Variants in GRM7 observed in about 807,000 individuals in gnomAD.
The protein encoded by GRM7 is metabotropic glutamate receptor 7.
GRM7 carries 35 observed loss-of-function variants against 84.5 expected under a neutral mutation model. The ratio of observed to expected loss-of-function variants is 0.41; its 90% CI spans 0.32 to 0.55. The LOEUF (loss-of-function observed/expected upper bound fraction) is 0.55, where lower values mean the gene tolerates loss of function less well. Among genes scored for constraint, GRM7 ranks in the 20% least tolerant of loss-of-function variants. The probability of loss-of-function intolerance (pLI) is 0.19; values close to 1 mark genes in which losing one functional copy is unlikely to be tolerated. For synonymous variants in GRM7, 487 were observed against 455.1 expected (o/e 1.07, Z -0.89); for missense variants, 1,003 against 1,194.6 (o/e 0.84, Z 2.36).
intron 1 of GRM7, among the ~76,000 whole-genome samples, chr3:7,099,095 T>G (rs1436419407): frequency 6.6e-6 from 1 of 151,550 alleles, no homozygotes; most frequent in African/African-American, 2.4e-5. Context: ...ATAATGTTCT[T>G]TAACTGTTAT....
intron 2 of GRM7, among the ~76,000 whole-genome samples, chr3:7,191,535 C>G (rs1695712212): frequency 6.6e-6 from 1 of 151,520 alleles, no homozygotes; most frequent in African/African-American, 2.4e-5. Flanking sequence ...GATAAATGAA[C>G]AAACAAACTT....
At chr3:7,184,323 A>G (rs1328999529) in intron 2 of GRM7, among the ~76,000 whole-genome samples, 2 of 152,126 alleles carry the variant, frequency 1.3e-5, no homozygotes, top group Non-Finnish European at 2.9e-5. Context: ...TTTTAAATAT[A>G]GCTCCTTGCC....
chr3:7,413,947 G>A (rs1696052698), intron 4 of GRM7, among the ~76,000 whole-genome samples: 1 of 152,094 alleles, frequency 6.6e-6, no homozygotes, highest in South Asian at 2.1e-4. Context: ...GAAACTCACT[G>A]CCCTATAGGA....
intron 1 of GRM7, among the ~76,000 whole-genome samples, chr3:7,074,357 C>T (rs1439225594): frequency 6.7e-5 from 10 of 149,298 alleles, no homozygotes; most frequent in Admixed American, 6.6e-4. Context: ...GGCAAGCTTA[C>T]CAACAGGAGA....
At chr3:7,368,429 G>T (rs73809079) in intron 4 of GRM7, among the ~76,000 whole-genome samples, 1 of 151,978 alleles carries the variant, frequency 6.6e-6, no homozygotes, top group Non-Finnish European at 1.5e-5. Flanking sequence ...TGCCTTAGGC[G>T]ATAGGTAAAA....
chr3:7,463,002 GT>G (rs376241850), intron 7 of GRM7, among the ~76,000 whole-genome samples: 4 of 149,324 alleles, frequency 2.7e-5, no homozygotes, highest in South Asian at 4.5e-4. Flanking sequence ...TAAACTCAAG[GT>G]GGGGGAGTAG....
At chr3:7,603,112 C>T (rs759526116) in intron 8 of GRM7, among the ~76,000 whole-genome samples, 1 of 152,100 alleles carries the variant, frequency 6.6e-6, no homozygotes, top group African/African-American at 2.4e-5. Flanking sequence ...TTAGAGCCAC[C>T]ACCATTGAAT....
chr3:7,400,052 A>G (rs900048920), intron 4 of GRM7, among the ~76,000 whole-genome samples: 5 of 152,218 alleles, frequency 3.3e-5, no homozygotes, highest in Admixed American at 6.5e-5. Flanking sequence ...GTTAAGGCTC[A>G]ATATTTGCAA....
chr3:6,938,908 A>G (rs1464723826), intron 1 of GRM7, among the ~76,000 whole-genome samples: 1 of 152,216 alleles, frequency 6.6e-6, no homozygotes, highest in Non-Finnish European at 1.5e-5. Context: ...TTCTTATTAT[A>G]AAATGCCTGT....
intron 1 of GRM7, among the ~76,000 whole-genome samples, chr3:6,904,682 A>G (rs949551657): frequency 2.6e-5 from 4 of 151,642 alleles, no homozygotes; most frequent in Non-Finnish European, 5.9e-5. Flanking sequence ...TTCTCACAAC[A>G]GGACCACAAT....
intron 1 of GRM7, among the ~76,000 whole-genome samples, chr3:7,061,403 C>G (rs1697429852): frequency 6.6e-6 from 1 of 151,542 alleles, no homozygotes; most frequent in South Asian, 2.1e-4. Flanking sequence ...TTTACATTGC[C>G]CTCATTTACA....
At chr3:7,258,394 G>T (rs1162632471) in intron 2 of GRM7, among the ~76,000 whole-genome samples, 15 of 152,094 alleles carry the variant, frequency 9.9e-5, no homozygotes, top group Non-Finnish European at 2.1e-4. Flanking sequence ...ACGGCCTGGG[G>T]TGTAAAGAGG....
At chr3:7,170,067 C>T (rs1387198188) in intron 2 of GRM7, among the ~76,000 whole-genome samples, 7 of 152,116 alleles carry the variant, frequency 4.6e-5, no homozygotes, top group African/African-American at 1.4e-4. Flanking sequence ...CTAACTCATT[C>T]CTGGGTGTTG....
At chr3:7,261,896 C>CCCTG (rs1319239097) in intron 2 of GRM7, among the ~76,000 whole-genome samples, 1 of 101,882 alleles carries the variant, frequency 9.8e-6, no homozygotes, top group Non-Finnish European at 2.0e-5. Flanking sequence ...TTCCCTCCCT[C>CCCTG]CCTCCCTCCC....
intron 4 of GRM7, among the ~76,000 whole-genome samples, chr3:7,345,832 C>CAAA (rs141494248): frequency 0.25 from 37,400 of 148,122 alleles, 5,113 homozygotes; most frequent in East Asian, 0.37. Flanking sequence ...CAAAGAGCCT[C>CAAA]AAAAAAAAAA....
At chr3:7,189,183 C>G (rs1695623102) in intron 2 of GRM7, among the ~76,000 whole-genome samples, 1 of 152,046 alleles carries the variant, frequency 6.6e-6, no homozygotes, top group Non-Finnish European at 1.5e-5. Context: ...GACATGTATG[C>G]ATGTATCTCA....
At chr3:7,638,810 C>T (rs564212381) in intron 8 of GRM7, among the ~76,000 whole-genome samples, 14 of 152,302 alleles carry the variant, frequency 9.2e-5, no homozygotes, top group Middle Eastern at 3.4e-3. Flanking sequence ...GTGCTCCCTG[C>T]ATTAGTTGTA....
At position 7,728,746 on chromosome 3, in the gene GRM7, G is replaced by A. The variant is rs189488370; in HGVS notation, c.2699-11611G>A. Among the ~76,000 whole-genome samples, 498 of 152,310 alleles carry A rather than the reference G, an allele frequency of 3.3e-3. 2 individuals are homozygous for A. The highest frequency in any genetic ancestry group is 5.7e-3 in the Non-Finnish European group (387 of 68,010). On this transcript the variant is annotated intron_variant, in intron 9 of 9. Coordinates refer to ENST00000357716, the MANE Select transcript of GRM7 (RefSeq NM_000844.4). ...ACTTAATGTGAAGGCAGATGCTGTG[G>A]AAGTTTGCCTGTATAACTGGAGTGC...
intron 7 of GRM7, among the ~76,000 whole-genome samples, chr3:7,538,568 A>G (rs1692691270): frequency 6.6e-6 from 1 of 152,226 alleles, no homozygotes; most frequent in Non-Finnish European, 1.5e-5. Context: ...TGTAATCAGA[A>G]GTCTTTTTTG....
Sources: allele counts gnomAD v4.1 joint callset (sites outside exome capture counted in the v4.1 genomes callset), GRCh38; gene constraint gnomAD v4.1.1; transcripts MANE v1.5; gene names NCBI Gene and HGNC (gene_info 2026-07-23, HGNC 2026-07-21).